The following FOXK2 variants were observed in gnomAD, a reference collection of about 807,000 sequenced individuals.
The protein encoded by FOXK2 is forkhead box protein K2.
FOXK2 carries 24 observed loss-of-function variants against 53.3 expected under a neutral mutation model. The ratio of observed to expected loss-of-function variants is 0.45; its 90% confidence interval spans 0.33 to 0.63. The LOEUF (loss-of-function observed/expected upper bound fraction) is 0.63. Among genes scored for constraint, FOXK2 ranks in the 30% least tolerant of loss-of-function variants. The pLI, the probability that FOXK2 is intolerant of heterozygous loss-of-function variation, is 0.03. For missense variants in FOXK2, 952 were observed against 910.5 expected (o/e 1.05, Z -0.59); for synonymous variants, 505 against 407.1 (o/e 1.24, Z -2.89).
intron 1 of FOXK2, among the ~76,000 whole-genome samples, chr17:82,552,840 G>A (rs530539144): frequency 6.6e-6 from 1 of 152,330 alleles, no homozygotes; most frequent in Admixed American, 6.5e-5. Context: ...CTCTGCTCAA[G>A]CGTCTCCGCG....
intron 1 of FOXK2, among the ~76,000 whole-genome samples, chr17:82,539,276 G>T: frequency 6.9e-6 from 1 of 144,674 alleles, no homozygotes; most frequent in East Asian, 2.1e-4. Flanking sequence ...CTGTAAGGTG[G>T]CCGGGCGTGG....
chr17:82,588,006 A>G (rs1233139651), intron 8 of FOXK2, among the ~76,000 whole-genome samples: 3 of 151,774 alleles, frequency 2.0e-5, no homozygotes, highest in Non-Finnish European at 2.9e-5. Context: ...TTTCTTTGAA[A>G]GAGGGTACAG....
chr17:82,523,131 G>A lies in FOXK2; in HGVS notation c.419+2824G>A, dbSNP rs114705503. On this transcript the variant is annotated intron_variant, in intron 1 of 8. Transcript: ENST00000335255. ...TTGAACAGTAGGAATGAGTCTTGCA[G>A]TAGAGATGAGTAAGAAGGGCAGTGA... 1.5e-3 allele frequency among the ~76,000 whole-genome samples: 222 copies of A among 152,318 alleles called. 1 individual carries two copies. Among genetic ancestry groups the A allele is most frequent in the African/African-American group, 5.2e-3 (216 of 41,574 alleles).
chr17:82,538,648 G>A (rs1159643937), intron 1 of FOXK2, among the ~76,000 whole-genome samples: 1 of 152,184 alleles, frequency 6.6e-6, no homozygotes, highest in Non-Finnish European at 1.5e-5. Context: ...GTGTAGAAGA[G>A]CAAAATGCTC....
intron 1 of FOXK2, chr17:82,559,268 A>G (rs910639109): frequency 2.1e-5 from 9 of 426,308 alleles, no homozygotes; most frequent in African/African-American, 1.8e-4. Context: ...ACTGAGCTTC[A>G]GTCTGAGGTT....
intron 1 of FOXK2, among the ~76,000 whole-genome samples, chr17:82,528,438 T>G (rs1043428572): frequency 2.6e-5 from 4 of 152,178 alleles, no homozygotes; most frequent in African/African-American, 9.7e-5. Flanking sequence ...GGCTCTTGTT[T>G]TCTTTTATGT....
Position 82,587,119 on chromosome 17 carries a change from A to G in FOXK2, c.1633A>G (p.Ile545Val), listed in dbSNP as rs1223875189. The G allele has an allele frequency of 1.2e-6, 2 of 1,612,984 alleles. No homozygotes were observed. The highest frequency in any genetic ancestry group is 8.5e-7 in the Non-Finnish European group (1 of 1,179,974). Residue 545 changes from isoleucine (I) to valine (V), a missense_variant, in exon 8 of 9, where the codon ATC (isoleucine) becomes GTC (valine). Ile to Val is a conservative substitution (Grantham distance 29, BLOSUM62 3). Around this residue, in one of 5 missense-constraint regions of FOXK2, gnomAD observed 551 missense variants for 385.1 expected, o/e 1.43. Transcript: ENST00000335255. ...CGCCACGCTCGGCACTGCCAGCCGGATCATTCAGACGGCACAGACCACCCC... is the reference window on the plus strand; with the variant it reads ...CGCCACGCTCGGCACTGCCAGCCGGGTCATTCAGACGGCACAGACCACCCC... The part of the protein sequence containing the change: ...GHATLGTASR[I>V]IQTAQTTPVQ...
chr17:82,539,780 C>G (rs901191017), intron 1 of FOXK2, among the ~76,000 whole-genome samples: 9 of 148,722 alleles, frequency 6.1e-5, no homozygotes, highest in African/African-American at 2.2e-4. Flanking sequence ...GGCTGGCCAA[C>G]ATGGTGAAAC....
At position 82,586,061 on chromosome 17, in the gene FOXK2, G is replaced by A. The variant is rs145992071; in HGVS notation, c.1437G>A (p.Ala479=). The part of the protein sequence containing the change: ...QTVHVVHQIP[A]VSVTSVAGLA... ...TTCACGTCGTCCACCAGATCCCAGC[G>A]GTGTCGGTCACCAGTGTGGCCGGAC... is the stretch of plus-strand genomic sequence containing the variant. The change falls in exon 7 of 9, where the codon GCG becomes GCA. Residue 479 remains alanine (A), a synonymous_variant. Coordinates refer to ENST00000335255, the MANE Select transcript of FOXK2 (RefSeq NM_004514.4). The A allele has an allele frequency of 8.7e-4, 1,397 of 1,612,784 alleles. 1 individual carries two copies. The highest frequency in any genetic ancestry group is 1.0e-3 in the Non-Finnish European group (1,225 of 1,179,970).
chr17:82,579,466 G>T (rs1309290749), intron 4 of FOXK2, among the ~76,000 whole-genome samples: 14 of 126,652 alleles, frequency 1.1e-4, no homozygotes, highest in Admixed American at 1.1e-3. Flanking sequence ...TCTTCATGTC[G>T]CCCATGAAGT....
intron 1 of FOXK2, among the ~76,000 whole-genome samples, chr17:82,532,776 C>T (rs2044484828): frequency 6.6e-6 from 1 of 151,856 alleles, no homozygotes; most frequent in Non-Finnish European, 1.5e-5. Flanking sequence ...CCGTGTTGAC[C>T]AGGCTGGTCT....
chr17:82,587,582 G>GCC, intron 8 of FOXK2: 1 of 419,252 alleles, frequency 2.4e-6, no homozygotes, highest in Non-Finnish European at 4.5e-6. Context: ...GGGAGCCGCC[G>GCC]CGTGTCTTTT....
chr17:82,585,211 C>G (rs966067793), intron 6 of FOXK2: 1 of 152,316 alleles, frequency 6.6e-6, no homozygotes, highest in African/African-American at 2.4e-5. Flanking sequence ...GACAGCCCCA[C>G]TCTGTTTTTG....
At chr17:82,570,035 A>G (rs566175039) in intron 3 of FOXK2, among the ~76,000 whole-genome samples, 1 of 151,006 alleles carries the variant, frequency 6.6e-6, no homozygotes, top group Non-Finnish European at 1.5e-5. Flanking sequence ...ATCCTGGCTA[A>G]CACGGTGAAA....
At chr17:82,524,064 T>G (rs1212623205) in intron 1 of FOXK2, among the ~76,000 whole-genome samples, 1 of 152,008 alleles carries the variant, frequency 6.6e-6, no homozygotes, top group East Asian at 1.9e-4. Context: ...TGGCTTTGTG[T>G]TTTTTGTAGC....
At chr17:82,601,256 G>T in intron 8 of FOXK2, 47 bp from the exon 9 acceptor site, 2 of 1,578,282 alleles carry the variant, frequency 1.3e-6, no homozygotes, top group Non-Finnish European at 1.7e-6. Context: ...TGAGTCGCGA[G>T]GGTTCACGTG....
At chr17:82,556,666 G>A (rs1032926339) in intron 1 of FOXK2, among the ~76,000 whole-genome samples, 15 of 152,026 alleles carry the variant, frequency 9.9e-5, no homozygotes, top group African/African-American at 3.6e-4. Context: ...GTGAGCAGAT[G>A]GCCAGCAGCA....
At chr17:82,540,674 G>A (rs1229067687) in intron 1 of FOXK2, among the ~76,000 whole-genome samples, 3 of 152,168 alleles carry the variant, frequency 2.0e-5, no homozygotes, top group Non-Finnish European at 4.4e-5. Flanking sequence ...GACCAGCCGT[G>A]AAGGTTCCTG....
chr17:82,570,039 G>A lies in FOXK2; in HGVS notation c.763-1685G>A, dbSNP rs564075869. ...AGATCGAGACCATCCTGGCTAACAC[G>A]GTGAAATCCCGTCTGTACTAAAAAT... On this transcript the variant is annotated intron_variant, in intron 3 of 8. Transcript: ENST00000335255. Among the ~76,000 whole-genome samples the A allele has an allele frequency of 2.8e-4, 43 of 151,022 alleles. No homozygotes were observed. The South Asian group carries it at 3.4e-3, about 12-fold the overall frequency.
Sources: allele counts gnomAD v4.1 joint callset (sites outside exome capture counted in the v4.1 genomes callset), GRCh38; gene constraint gnomAD v4.1.1; regional missense constraint gnomAD v4.1.1; transcripts MANE v1.5; gene names NCBI Gene and HGNC (gene_info 2026-07-23, HGNC 2026-07-21).